FOXP1: variants seen among roughly 807,000 people sequenced by gnomAD.
The protein encoded by FOXP1 is forkhead box P1.
In FOXP1, 15 loss-of-function variants were observed where a neutral mutation model predicts 98.2. The observed-to-expected ratio is 0.15, with a 90% CI of 0.10 to 0.24. FOXP1 has a LOEUF of 0.24. Among genes scored for constraint, FOXP1 ranks in the 10% least tolerant of loss-of-function variants. The pLI, the probability that FOXP1 is intolerant of heterozygous loss-of-function variation, is 1.00. For missense variants in FOXP1, 633 were observed against 848.5 expected, an observed-to-expected ratio of 0.75 and a Z score of 3.15; for synonymous variants, 371 against 314.5, an observed-to-expected ratio of 1.18 and a Z score of -1.90.
At position 71,410,250 on chromosome 3, in the gene FOXP1, T is replaced by G. The variant is rs143319432; in HGVS notation, c.-167-51006A>C. ...TTATTTTCCTTTTCAAAAAAGCAAG[T>G]ATCTACCAGACTGAAGCTTCTGAGA... On this transcript the variant is annotated intron_variant, in intron 3 of 20. Transcript: ENST00000649528. Among the ~76,000 whole-genome samples, 33 of 152,320 alleles carry G rather than the reference T, an allele frequency of 2.2e-4. No homozygotes were observed. In the East Asian group the frequency reaches 6.0e-3, roughly 28 times the overall value.
intron 4 of FOXP1, among the ~76,000 whole-genome samples, chr3:71,303,764 G>T (rs1028524624): frequency 1.3e-5 from 2 of 151,792 alleles, no homozygotes; most frequent in African/African-American, 4.8e-5. Context: ...GGGGAAGGTG[G>T]GGAATGAAGA....
chr3:71,282,718 C>A (rs2107430555), intron 5 of FOXP1, among the ~76,000 whole-genome samples: 1 of 152,256 alleles, frequency 6.6e-6, no homozygotes, highest in Middle Eastern at 3.4e-3. Flanking sequence ...GAACTCCCAA[C>A]CTACGCTATT....
rs1392183322 is a variant in FOXP1, at chr3:71,358,015, T to G, written c.-73+1135A>C. Among the ~76,000 whole-genome samples, 4 of 152,314 alleles carry G rather than the reference T, an allele frequency of 2.6e-5. No individual in the cohort carries two copies. In the East Asian group the frequency reaches 7.7e-4, roughly 29 times the overall value. ...GATTAACCCTCTATTCCCAAAGCTG[T>G]TTGTTTAAGTATGACTTGCCTTCTT... On this transcript the variant is annotated intron_variant, in intron 4 of 20. Transcript: ENST00000649528.
At chr3:71,197,605 A>C (rs922721900) in intron 6 of FOXP1, among the ~76,000 whole-genome samples, 5 of 152,194 alleles carry the variant, frequency 3.3e-5, no homozygotes, top group Non-Finnish European at 7.3e-5. Flanking sequence ...CTTAGCCACA[A>C]ACCCAGTGCT....
chr3:71,492,786 A>C (rs969472277), intron 3 of FOXP1, among the ~76,000 whole-genome samples: 1 of 152,212 alleles, frequency 6.6e-6, no homozygotes, highest in Non-Finnish European at 1.5e-5. Flanking sequence ...CACAGTGTTC[A>C]TTACTACAGG....
intron 1 of FOXP1, chr3:71,582,402 C>T (rs1208425897): frequency 5.1e-6 from 5 of 983,512 alleles, no homozygotes; most frequent in Non-Finnish European, 4.8e-6. Context: ...GGTCCCCACT[C>T]GAAGCGCACG....
At chr3:71,478,732 T>C (rs1170098526) in intron 3 of FOXP1, among the ~76,000 whole-genome samples, 1 of 152,246 alleles carries the variant, frequency 6.6e-6, no homozygotes, top group African/African-American at 2.4e-5. Flanking sequence ...ATCACAGACA[T>C]TCAACCTGGG....
chr3:71,352,964 A>G (rs1016168842), intron 4 of FOXP1, among the ~76,000 whole-genome samples: 3 of 152,182 alleles, frequency 2.0e-5, no homozygotes, highest in Non-Finnish European at 4.4e-5. Context: ...AGGTTTAGGA[A>G]GTGAGTCAGG....
At chr3:71,574,675 G>T (rs1292745915) in intron 2 of FOXP1, among the ~76,000 whole-genome samples, 1 of 151,938 alleles carries the variant, frequency 6.6e-6, no homozygotes, top group Non-Finnish European at 1.5e-5. Context: ...AATTAAGATG[G>T]AATACTCAGA....
chr3:71,062,958 G>C (rs766039026), intron 7 of FOXP1, among the ~76,000 whole-genome samples: 1 of 152,008 alleles, frequency 6.6e-6, no homozygotes, highest in Non-Finnish European at 1.5e-5. Flanking sequence ...TTAATATTTG[G>C]TTGCTTATCT....
chr3:71,267,793 A>C lies in FOXP1; in HGVS notation c.-12+32027T>G, dbSNP rs1299016451. On this transcript the variant is annotated intron_variant, in intron 5 of 20. Transcript: ENST00000649528. ...AGCACTTCTGGAGGCCGAGGCAGGC[A>C]GATCACCTGAGGTCAGGAGTTCGAG... Among the ~76,000 whole-genome samples, 3 of 152,112 alleles carry C rather than the reference A, an allele frequency of 2.0e-5. No homozygotes were observed. In the East Asian group the frequency reaches 5.8e-4, roughly 30 times the overall value.
At chr3:71,454,511 A>G (rs1056759382) in intron 3 of FOXP1, among the ~76,000 whole-genome samples, 1 of 152,102 alleles carries the variant, frequency 6.6e-6, no homozygotes, top group Non-Finnish European at 1.5e-5. Context: ...AAATGACTGA[A>G]CCTTGAGGTT....
chr3:71,047,613 C>T (rs2049208221), intron 9 of FOXP1, among the ~76,000 whole-genome samples: 1 of 152,136 alleles, frequency 6.6e-6, no homozygotes, highest in African/African-American at 2.4e-5. Flanking sequence ...TGTTAATTAG[C>T]CATGACAAAC....
chr3:71,478,472 C>T (rs1170575707), intron 3 of FOXP1, among the ~76,000 whole-genome samples: 1 of 152,112 alleles, frequency 6.6e-6, no homozygotes, highest in Non-Finnish European at 1.5e-5. Flanking sequence ...CATTTTCAAG[C>T]TTCCAAGGTG....
At chr3:71,270,784 G>A (rs551428911) in intron 5 of FOXP1, among the ~76,000 whole-genome samples, 1 of 152,202 alleles carries the variant, frequency 6.6e-6, no homozygotes, top group African/African-American at 2.4e-5. Context: ...TTTCTGGTTT[G>A]TCATGTTTCA....
intron 3 of FOXP1, among the ~76,000 whole-genome samples, chr3:71,432,353 T>C (rs2084795659): frequency 6.6e-6 from 1 of 152,048 alleles, no homozygotes; most frequent in South Asian, 2.1e-4. Flanking sequence ...CACAGAGCAT[T>C]TTCCCCTTCC....
intron 4 of FOXP1, chr3:71,329,843 T>C (rs1577001438): frequency 6.6e-6 from 1 of 152,188 alleles, no homozygotes; most frequent in African/African-American, 2.4e-5. Context: ...ACAATGTTAA[T>C]ATTTGATATC....
chr3:71,107,484 G>A (rs1480773377), intron 7 of FOXP1, among the ~76,000 whole-genome samples: 2 of 151,938 alleles, frequency 1.3e-5, no homozygotes, highest in African/African-American at 4.8e-5. Context: ...CTTATTTTTA[G>A]GGTTTTGGGA....
intron 3 of FOXP1, among the ~76,000 whole-genome samples, chr3:71,439,116 G>T (rs902145138): frequency 6.6e-6 from 1 of 152,224 alleles, no homozygotes. Flanking sequence ...CAGACAGGCA[G>T]TGAGGGTGCC....
Sources: gnomAD v4.1 joint callset for allele counts (sites outside exome capture counted in the v4.1 genomes callset) on GRCh38, gnomAD v4.1.1 for gene constraint, MANE v1.5 for transcripts, NCBI Gene and HGNC (gene_info 2026-07-23, HGNC 2026-07-21) for gene names.